The following ZNF525 variants were observed in gnomAD, a reference collection of about 807,000 sequenced individuals.
ZNF525 encodes the protein zinc finger protein 525.
ZNF525 carries 33 observed loss-of-function variants against 37.6 expected under a neutral mutation model. The ratio of observed to expected loss-of-function variants is 0.88; its 90% confidence interval spans 0.67 to 1.17. The LOEUF (loss-of-function observed/expected upper bound fraction) is 1.17. Ranked by LOEUF, ZNF525 falls within the 50% of genes most tolerant of loss-of-function variation. The probability of loss-of-function intolerance (pLI) is 0.00; values close to 1 mark genes in which losing one functional copy is unlikely to be tolerated. For missense variants in ZNF525, 449 were observed against 543.1 expected (o/e 0.83, Z 1.72); for synonymous variants, 170 against 182.3 (o/e 0.93, Z 0.54).
chr19:53,383,664 C>T lies in ZNF525; in HGVS notation c.*1645C>T, dbSNP rs768948492. The T allele has an allele frequency of 8.8e-6, 7 of 798,424 alleles. No individual in the cohort carries two copies. The highest frequency in any genetic ancestry group is 3.4e-5 in the East Asian group (1 of 29,002). The allele number at this position is 798,424 out of a possible 1,614,324, so 49.5% of individuals were successfully genotyped here. On this transcript the variant is annotated 3_prime_UTR_variant, in exon 4 of 4. Transcript: ENST00000474037. ...GGGAAACTTGACTAACGTAATGATT[C>T]TCACAACGTCTTCAGTAATGCTACA...
Position 53,381,663 on chromosome 19 carries a change from A to C in ZNF525, c.1084A>C (p.Lys362Gln). 1 of 1,122,436 alleles carries C rather than the reference A, an allele frequency of 8.9e-7. No homozygotes were observed. Among genetic ancestry groups the C allele is most frequent in the East Asian group, 2.3e-5 (1 of 42,732 alleles). 69.5% of individuals were successfully genotyped at this position (1,122,436 alleles called of 1,614,324 possible). ...KKPYECEECD[K>Q]AFSFKSNLES... ...ACCTTACGAATGTGAAGAATGTGAC[A>C]AAGCTTTCAGTTTCAAATCAAACCT... is the stretch of plus-strand genomic sequence containing the variant. Residue 362 changes from lysine (K) to glutamine (Q), a missense_variant, in exon 4 of 4, where the codon AAA becomes CAA. Lys to Gln is a moderately conservative substitution (Grantham distance 53). This residue lies in a region of ZNF525 where 178 missense variants were observed against 161.5 expected (regional missense o/e 1.10). Coordinates refer to ENST00000474037, the MANE Select transcript of ZNF525 (RefSeq NM_001348156.2).
At chr19:53,379,150 C>T (rs1002021516) in intron 3 of ZNF525, among the ~76,000 whole-genome samples, 3 of 151,986 alleles carry the variant, frequency 2.0e-5, no homozygotes, top group Non-Finnish European at 4.4e-5. Context: ...AAGTCTCACC[C>T]TGTCACTCAA....
chr19:53,367,634 C>T (rs1336415680), intron 1 of ZNF525, among the ~76,000 whole-genome samples: 11 of 152,160 alleles, frequency 7.2e-5, no homozygotes, highest in Admixed American at 5.9e-4. Context: ...AAGAGGGACT[C>T]GGGAGTCTAC....
At chr19:53,374,468 A>G (rs1231473480) in intron 2 of ZNF525, among the ~76,000 whole-genome samples, 2 of 152,144 alleles carry the variant, frequency 1.3e-5, no homozygotes, top group Non-Finnish European at 2.9e-5. Flanking sequence ...GCATTCCTAC[A>G]GATATCTGAA....
Position 53,382,660 on chromosome 19 carries a change from T to G in ZNF525, c.*641T>G. On this transcript the variant is annotated 3_prime_UTR_variant, in exon 4 of 4. Coordinates refer to ENST00000474037, the MANE Select transcript of ZNF525 (RefSeq NM_001348156.2). ...GAGGGAAACTTTACAAATGTAATGA[T>G]TGTCACCACGTCTTCAGTAATGCTA... 1.4e-6 allele frequency: 1 copy of G among 720,404 alleles called. No individual in the cohort carries two copies. The highest frequency in any genetic ancestry group is 2.6e-6 in the Non-Finnish European group (1 of 389,316). 44.6% of individuals were successfully genotyped at this position (720,404 alleles called of 1,614,324 possible). A position where few individuals can be genotyped will look rare whatever the true frequency, so the allele number is the denominator to read the frequency against.
In ZNF525 at chr19:53,384,906, C is replaced by T; in HGVS notation, c.*2887C>T. 2.9e-6 allele frequency: 2 copies of T among 697,910 alleles called. No homozygotes were observed. Among genetic ancestry groups the T allele is most frequent in the South Asian group, 3.0e-5 (2 of 66,478 alleles). The allele number at this position is 697,910 out of a possible 1,614,324, so 43.2% of individuals were successfully genotyped here. On this transcript the variant is annotated 3_prime_UTR_variant, in exon 4 of 4. Transcript: ENST00000474037. ...CATTTTCCCTGCTTGGTTATTTACT[C>T]ATTTGTCATTTCATGGATGTTCTTT...
intron 1 of ZNF525, among the ~76,000 whole-genome samples, chr19:53,371,352 C>A (rs1009165021): frequency 4.6e-5 from 7 of 151,870 alleles, no homozygotes; most frequent in Non-Finnish European, 8.8e-5. Context: ...GTGTGTGCCA[C>A]CACACTCAGC....
Position 53,385,045 on chromosome 19 carries a change from TTTCA to T in ZNF525, c.*3030_*3033del. 1 of 696,920 alleles carries T rather than the reference TTTCA, an allele frequency of 1.4e-6. No individual in the cohort carries two copies. Among genetic ancestry groups the T allele is most frequent in the Non-Finnish European group, 2.6e-6 (1 of 383,138 alleles). The allele number at this position is 696,920 out of a possible 1,614,324, so 43.2% of individuals were successfully genotyped here. On this transcript the variant is annotated 3_prime_UTR_variant, in exon 4 of 4. Transcript: ENST00000474037. ...CTACTAAGGTGATGTGGTTTTAATC[TTTCA>T]TTCTGTTCTAGTGGTATATAACATT... is the stretch of plus-strand genomic sequence containing the variant.
chr19:53,378,855 C>A (rs769487260), intron 3 of ZNF525, among the ~76,000 whole-genome samples: 1 of 152,172 alleles, frequency 6.6e-6, no homozygotes, highest in Non-Finnish European at 1.5e-5. Context: ...CTGAACATGG[C>A]GTTTGGCCAA....
intron 3 of ZNF525, chr19:53,376,359 G>T (rs1417922891): frequency 4.3e-6 from 3 of 701,170 alleles, no homozygotes; most frequent in Non-Finnish European, 7.8e-6. Context: ...CCTTCTGAGT[G>T]CAGAGTTAAA....
Position 53,386,383 on chromosome 19 carries a change from C to A in ZNF525, c.*4364C>A. 1 of 868,412 alleles carries A rather than the reference C, an allele frequency of 1.2e-6. No individual in the cohort carries two copies. Among genetic ancestry groups the A allele is most frequent in the Non-Finnish European group, 1.9e-6 (1 of 528,382 alleles). The allele number at this position is 868,412 out of a possible 1,614,324, so 53.8% of individuals were successfully genotyped here. On this transcript the variant is annotated 3_prime_UTR_variant, in exon 4 of 4. Coordinates refer to ENST00000474037, the MANE Select transcript of ZNF525 (RefSeq NM_001348156.2). ...ACATTGGAGAAGAACCAAGCTGGGT[C>A]TATAAGGAATTGCATGTGAGATGGC... is the stretch of plus-strand genomic sequence containing the variant.
Position 53,380,718 on chromosome 19 carries a change from G to T in ZNF525, c.143-4G>T, listed in dbSNP as rs746180612. The T allele has an allele frequency of 2.7e-6, 3 of 1,130,730 alleles. No individual in the cohort carries two copies. Among genetic ancestry groups the T allele is most frequent in the Admixed American group, 3.8e-5 (2 of 52,012 alleles). The allele number at this position is 1,130,730 out of a possible 1,614,324, so 70.0% of individuals were successfully genotyped here. A position where few individuals can be genotyped will look rare whatever the true frequency, so the allele number is the denominator to read the frequency against. ...GTGTACCTATTAGTGTTTATATTTT[G>T]TAGGTATCTCTTCCAAATGCACAAT... On this transcript the variant is annotated splice_region_variant and splice_polypyrimidine_tract_variant and intron_variant, in intron 3 of 3. Coordinates refer to ENST00000474037, the MANE Select transcript of ZNF525 (RefSeq NM_001348156.2).
chr19:53,368,988 C>G (rs1260834102), intron 1 of ZNF525, among the ~76,000 whole-genome samples: 1 of 152,110 alleles, frequency 6.6e-6, no homozygotes, highest in African/African-American at 2.4e-5. Context: ...GCATACGTAT[C>G]TGTAGTCATT....
rs1334858406 is a variant in ZNF525 at position 53,382,266 on chromosome 19, A to G, written c.*247A>G. On this transcript the variant is annotated 3_prime_UTR_variant, in exon 4 of 4. Transcript: ENST00000474037. ...TAGGTGTGGCAAGACCTTCAGTCATACATCATCCCTTACATGCCATCATAG... is the reference window on the plus strand; with the variant it reads ...TAGGTGTGGCAAGACCTTCAGTCATGCATCATCCCTTACATGCCATCATAG... 2.7e-6 allele frequency: 4 copies of G among 1,483,404 alleles called. No individual in the cohort carries two copies. In the African/African-American group the frequency reaches 5.5e-5, roughly 21 times the overall value. The allele number at this position is 1,483,404 out of a possible 1,614,324, so 91.9% of individuals were successfully genotyped here. A position where few individuals can be genotyped will look rare whatever the true frequency, so the allele number is the denominator to read the frequency against.
chr19:53,381,200 A>G lies in ZNF525; in HGVS notation c.621A>G (p.Glu207=), dbSNP rs1323964747. 2.2e-6 allele frequency: 3 copies of G among 1,340,816 alleles called. No individual in the cohort carries two copies. The East Asian group carries it at 6.9e-5, about 31-fold the overall frequency. The allele number at this position is 1,340,816 out of a possible 1,614,324, so 83.1% of individuals were successfully genotyped here. ...LNYSLLTQRQ[E]VRMREKSFQC... ...ATTCATTACTCACACAAAGACAGGA[A>G]GTACGCATGAGAGAAAAATCTTTCC... Residue 207 remains glutamate, a synonymous_variant, in exon 4 of 4, where the codon GAA becomes GAG. Transcript: ENST00000474037.
chr19:53,381,108 G>T lies in ZNF525; in HGVS notation c.529G>T (p.Ala177Ser), dbSNP rs1271025803. 2 of 1,448,062 alleles carry T rather than the reference G, an allele frequency of 1.4e-6. No individual in the cohort carries two copies. Among genetic ancestry groups the T allele is most frequent in the African/African-American group, 1.4e-5 (1 of 71,642 alleles). 89.7% of individuals were successfully genotyped at this position (1,448,062 alleles called of 1,614,324 possible). A position where few individuals can be genotyped will look rare whatever the true frequency, so the allele number is the denominator to read the frequency against. Residue 177 changes from alanine (A) to serine (S), a missense_variant, in exon 4 of 4, where the codon GCC becomes TCC. Physicochemically the swap from Ala to Ser is moderately conservative, Grantham distance 99. This residue lies in a region of ZNF525 where 271 missense variants were observed against 381.6 expected (regional missense o/e 0.71). Transcript: ENST00000474037. ...CAACGATGCTTCCTCGGTTTCAACA[G>T]CCCAAAGAATTTCTTGTAGGCCCAA... Reference protein sequence around the residue: ...SINDASSVSTAQRISCRPKTH... With the variant: ...SINDASSVSTSQRISCRPKTH...
In ZNF525 at chr19:53,382,996, A is replaced by T; in HGVS notation, c.*977A>T. 6.6e-7 allele frequency: 1 copy of T among 1,516,112 alleles called. No homozygotes were observed. Among genetic ancestry groups the T allele is most frequent in the Non-Finnish European group, 9.1e-7 (1 of 1,098,696 alleles). The allele number at this position is 1,516,112 out of a possible 1,614,324, so 93.9% of individuals were successfully genotyped here. A position where few individuals can be genotyped will look rare whatever the true frequency, so the allele number is the denominator to read the frequency against. Reference sequence around the variant, plus strand: ...GAGAGAAACCTTACAAGTGTAATGAATGTGGCAAGGTTTTTAATCGCAAAG... The same window carrying T: ...GAGAGAAACCTTACAAGTGTAATGATTGTGGCAAGGTTTTTAATCGCAAAG... On this transcript the variant is annotated 3_prime_UTR_variant, in exon 4 of 4. Transcript: ENST00000474037.
At chr19:53,380,095 A>ATT (rs879681746) in intron 3 of ZNF525, among the ~76,000 whole-genome samples, 6 of 146,240 alleles carry the variant, frequency 4.1e-5, no homozygotes, top group African/African-American at 1.5e-4. Context: ...TCAGAAAAAT[A>ATT]TTTTTTTTTT....
chr19:53,377,468 G>A (rs1387633800), intron 3 of ZNF525, among the ~76,000 whole-genome samples: 1 of 148,694 alleles, frequency 6.7e-6, no homozygotes, highest in African/African-American at 2.5e-5. Flanking sequence ...GAAAAACTGC[G>A]CCCGGCCTAT....
Sources: gnomAD v4.1 joint callset for allele counts (sites outside exome capture counted in the v4.1 genomes callset) on GRCh38, gnomAD v4.1.1 for gene constraint, gnomAD v4.1.1 regional missense constraint, MANE v1.5 for transcripts, NCBI Gene and HGNC (gene_info 2026-07-23, HGNC 2026-07-21) for gene names.